The following LAMA2 variants were observed in gnomAD, a reference collection of about 807,000 sequenced individuals.
The protein encoded by LAMA2 is laminin subunit alpha 2.
A neutral mutation model predicts 364.8 loss-of-function variants in LAMA2; 269 were observed. The ratio of observed to expected loss-of-function variants is 0.74; its 90% CI spans 0.67 to 0.82. The LOEUF (loss-of-function observed/expected upper bound fraction) is 0.82. Ranked by LOEUF, LAMA2 falls within the 40% of genes least tolerant of loss-of-function variation. LAMA2 has a pLI of 0.00. For synonymous variants in LAMA2, 1,379 were observed against 1,370.6 expected (o/e 1.01, Z -0.14); for missense variants, 3,807 against 3,873.2 (o/e 0.98, Z 0.45).
In LAMA2 at chr6:129,097,490, C is replaced by T. The variant is rs149574339; in HGVS notation, c.397-683C>T. On this transcript the variant is annotated intron_variant, in intron 3 of 64. Transcript: ENST00000421865. ...AGTAACAATACCTCTTTATTTCACC[C>T]CTTTTCTTGCATGTTTACCTTTTGT... is the stretch of plus-strand genomic sequence containing the variant. Among the ~76,000 whole-genome samples the T allele has an allele frequency of 3.9e-3, 593 of 152,304 alleles. 7 individuals carry two copies. Among genetic ancestry groups the T allele is most frequent in the Middle Eastern group, 0.017 (5 of 292 alleles).
At chr6:129,061,914 C>G (rs150546861) in intron 3 of LAMA2, among the ~76,000 whole-genome samples, 1 of 152,306 alleles carries the variant, frequency 6.6e-6, no homozygotes, top group African/African-American at 2.4e-5. Flanking sequence ...TGAAAATCAA[C>G]CTACTGTGTG....
intron 1 of LAMA2, among the ~76,000 whole-genome samples, chr6:128,953,480 G>C (rs1322017716): frequency 6.6e-6 from 1 of 151,836 alleles, no homozygotes; most frequent in Admixed American, 6.6e-5. Flanking sequence ...ATAATAATTG[G>C]TGGGCTGTGT....
In LAMA2 at chr6:128,952,459, A is replaced by G. The variant is rs1465789046; in HGVS notation, c.112+69102A>G. On this transcript the variant is annotated intron_variant, in intron 1 of 64. Coordinates refer to ENST00000421865, the MANE Select transcript of LAMA2 (RefSeq NM_000426.4). The stretch of plus-strand genomic sequence containing the variant: ...TGGAGATCTAAATTTGGTAAGATAT[A>G]ATTTCAGCCCTCAAGGATCTAGTTT... Among the ~76,000 whole-genome samples the G allele has an allele frequency of 2.0e-5, 3 of 152,286 alleles. No homozygotes were observed. The East Asian group carries it at 5.8e-4, about 29-fold the overall frequency.
At position 129,512,351 on chromosome 6, in the gene LAMA2, T is replaced by C; in HGVS notation, c.8858-12T>C. Reference sequence around the variant, plus strand: ...CTCTAATCCAAAATATTTTAAAATCTTCATTTTACAGTTGGTGGATTCAAA... The same window carrying C: ...CTCTAATCCAAAATATTTTAAAATCCTCATTTTACAGTTGGTGGATTCAAA... On this transcript the variant is annotated splice_polypyrimidine_tract_variant and intron_variant, in intron 62 of 64. Coordinates refer to ENST00000421865, the MANE Select transcript of LAMA2 (RefSeq NM_000426.4). 1 of 1,612,786 alleles carries C rather than the reference T, an allele frequency of 6.2e-7. No individual in the cohort carries two copies. Among genetic ancestry groups the C allele is most frequent in the Non-Finnish European group, 8.5e-7 (1 of 1,178,930 alleles).
chr6:128,974,516 A>C (rs1782398944), intron 1 of LAMA2, among the ~76,000 whole-genome samples: 1 of 152,188 alleles, frequency 6.6e-6, no homozygotes, highest in Non-Finnish European at 1.5e-5. Flanking sequence ...TAAGGAAAGC[A>C]TTGTTTTATA....
chr6:129,183,129 A>G (rs9492259), intron 10 of LAMA2, among the ~76,000 whole-genome samples: 2,928 of 152,064 alleles, frequency 0.019, 113 homozygotes, highest in African/African-American at 0.066. Flanking sequence ...TTGCATTGTT[A>G]AAAATGTTGA....
intron 54 of LAMA2, 68 bp downstream of exon 54, chr6:129,478,881 C>T: frequency 3.7e-6 from 5 of 1,356,000 alleles, no homozygotes; most frequent in South Asian, 1.2e-5. Context: ...TGTGGCTGCT[C>T]CTACAAGGAT....
chr6:128,925,443 C>T (rs146378080), intron 1 of LAMA2, among the ~76,000 whole-genome samples: 37 of 152,132 alleles, frequency 2.4e-4, no homozygotes, highest in African/African-American at 8.7e-4. Context: ...TTCTACTTAC[C>T]TAGAGTAGTC....
intron 34 of LAMA2, among the ~76,000 whole-genome samples, chr6:129,374,579 CTTTTTTTT>C (rs10586725): frequency 5.5e-4 from 78 of 140,706 alleles, no homozygotes; most frequent in Non-Finnish European, 7.4e-4. Flanking sequence ...TACTGCCAAT[CTTTTTTTT>C]TTTTTTTTAA....
intron 1 of LAMA2, among the ~76,000 whole-genome samples, chr6:128,983,479 G>A (rs992141837): frequency 6.6e-6 from 1 of 152,096 alleles, no homozygotes; most frequent in African/African-American, 2.4e-5. Context: ...TGAATTTCTA[G>A]TAAATTCATG....
intron 1 of LAMA2, among the ~76,000 whole-genome samples, chr6:128,971,895 C>T (rs190830195): frequency 6.6e-6 from 1 of 152,216 alleles, no homozygotes; most frequent in East Asian, 1.9e-4. Context: ...GTCTCAGGGT[C>T]AGGAGGCTCT....
At chr6:129,315,193 A>T (rs566949986) in intron 24 of LAMA2, among the ~76,000 whole-genome samples, 5 of 152,218 alleles carry the variant, frequency 3.3e-5, no homozygotes, top group African/African-American at 1.2e-4. Flanking sequence ...GAGTGAAAAC[A>T]TGTTCATTTT....
intron 4 of LAMA2, among the ~76,000 whole-genome samples, chr6:129,120,774 G>C (rs1047869165): frequency 1.1e-4 from 17 of 152,064 alleles, no homozygotes; most frequent in Admixed American, 8.5e-4. Context: ...AATATCCTCG[G>C]GTATACACAA....
chr6:129,345,648 T>G (rs994325619), intron 30 of LAMA2, among the ~76,000 whole-genome samples: 1 of 152,188 alleles, frequency 6.6e-6, no homozygotes, highest in Non-Finnish European at 1.5e-5. Context: ...TAAGATACAC[T>G]TTTTTATATC....
intron 1 of LAMA2, among the ~76,000 whole-genome samples, chr6:128,961,359 A>ATG (rs1781507166): frequency 1.1e-5 from 1 of 94,552 alleles, no homozygotes; most frequent in Non-Finnish European, 2.0e-5. Context: ...ATATATATAT[A>ATG]TATATATATT....
At chr6:129,505,421 C>T (rs534665528) in intron 61 of LAMA2, 66 bp downstream of exon 61, 3 of 1,351,042 alleles carry the variant, frequency 2.2e-6, no homozygotes, top group Admixed American at 3.4e-5. Context: ...TATATTTTGA[C>T]TTATTAGGTC....
intron 51 of LAMA2, among the ~76,000 whole-genome samples, chr6:129,467,471 A>G (rs539123638): frequency 1.3e-5 from 2 of 152,032 alleles, no homozygotes; most frequent in Admixed American, 6.6e-5. Context: ...CAATATATCC[A>G]TGAAACAAAC....
intron 12 of LAMA2, among the ~76,000 whole-genome samples, chr6:129,232,490 C>T (rs139980879): frequency 8.0e-4 from 121 of 152,102 alleles, no homozygotes; most frequent in African/African-American, 2.5e-3. Flanking sequence ...AATATAGATA[C>T]GTACATTCCT....
chr6:128,895,490 A>AC (rs1776717155), intron 1 of LAMA2, among the ~76,000 whole-genome samples: 4 of 150,034 alleles, frequency 2.7e-5, no homozygotes, highest in East Asian at 1.9e-4. Flanking sequence ...AAAAAAAAAA[A>AC]AGCAAAAATT....
Sources: gnomAD v4.1 joint callset for allele counts (sites outside exome capture counted in the v4.1 genomes callset) on GRCh38, gnomAD v4.1.1 for gene constraint, MANE v1.5 for transcripts, NCBI Gene and HGNC (gene_info 2026-07-23, HGNC 2026-07-21) for gene names.